Variants in ACSBG2 observed in about 807,000 individuals in gnomAD.
The protein encoded by ACSBG2 is long-chain-fatty-acid--CoA ligase ACSBG2.
ACSBG2 carries 62 observed loss-of-function variants against 74.7 expected under a neutral mutation model. The observed-to-expected ratio is 0.83, with a 90% CI of 0.68 to 1.03. The LOEUF is 1.03. ACSBG2 is among the 50% of genes least tolerant of loss of function. ACSBG2 has a pLI of 0.00. For missense variants in ACSBG2, 730 were observed against 817.6 expected (o/e 0.89, Z 1.31); for synonymous variants, 309 against 294.1 (o/e 1.05, Z -0.52).
chr19:6,165,015 A>G (rs1379148324), intron 6 of ACSBG2, among the ~76,000 whole-genome samples: 2 of 152,208 alleles, frequency 1.3e-5, no homozygotes, highest in African/African-American at 2.4e-5. Flanking sequence ...CAATGCATCA[A>G]TTATCAATAA....
chr19:6,146,184 A>G (rs2089023915), intron 2 of ACSBG2, among the ~76,000 whole-genome samples: 1 of 152,228 alleles, frequency 6.6e-6, no homozygotes, highest in Non-Finnish European at 1.5e-5. Context: ...AAAAAATCAG[A>G]TGGAGCCAGG....
Position 6,187,981 on chromosome 19 carries a change from C to T in ACSBG2, c.1927+136C>T. The T allele has an allele frequency of 1.6e-6, 2 of 1,272,428 alleles. 1 individual carries two copies. The allele number at this position is 1,272,428 out of a possible 1,614,324, so 78.8% of individuals were successfully genotyped here. On this transcript the variant is annotated intron_variant, in intron 13 of 14. Transcript: ENST00000588485. ...GGGACCAGGAGAGGGAGGCTGCCAC[C>T]TTCAGCTAACTGGTCCCCAGCTCCT...
At chr19:6,160,452 C>T (rs907544564) in intron 5 of ACSBG2, 1 of 151,932 alleles carries the variant, frequency 6.6e-6, no homozygotes, top group East Asian at 1.9e-4. Flanking sequence ...TGAACCTTAC[C>T]GTGCTAGGTA....
At position 6,190,706 on chromosome 19, in the gene ACSBG2, G is replaced by A. The variant is rs2090537409; in HGVS notation, c.*35+14G>A. The A allele has an allele frequency of 6.4e-7, 1 of 1,567,546 alleles. No individual in the cohort carries two copies. On this transcript the variant is annotated intron_variant, in intron 14 of 14. Coordinates refer to ENST00000588485, the MANE Select transcript of ACSBG2 (RefSeq NM_030924.5). The stretch of plus-strand genomic sequence containing the variant: ...GCTGTTCTGATGGTGAGATTCAGTT[G>A]CTTGGCTTTGCTGGGCTATGCATTC...
rs765433369 is a variant in ACSBG2 at position 6,185,614 on chromosome 19, G to A, written c.1501G>A (p.Asp501Asn). The change falls in exon 11 of 15, where the codon GAC becomes AAC. Residue 501 changes from aspartate (D) to asparagine (N), a missense_variant. Coordinates refer to ENST00000588485, the MANE Select transcript of ACSBG2 (RefSeq NM_030924.5). Reference protein sequence around the residue: ...WLHSGDLGQLDGLGFLYVTGH... With the variant: ...WLHSGDLGQLNGLGFLYVTGH... ...ACACTCTGGGGATCTGGGCCAGCTGGACGGTCTGGGTTTCCTCTATGTCAC... is the reference window on the plus strand; with the variant it reads ...ACACTCTGGGGATCTGGGCCAGCTGAACGGTCTGGGTTTCCTCTATGTCAC... 6.2e-7 allele frequency: 1 copy of A among 1,614,166 alleles called. No homozygotes were observed. The highest frequency in any genetic ancestry group is 1.1e-5 in the South Asian group (1 of 91,078).
At chr19:6,140,653 C>T (rs2088788856) in intron 1 of ACSBG2, among the ~76,000 whole-genome samples, 1 of 152,168 alleles carries the variant, frequency 6.6e-6, no homozygotes, top group African/African-American at 2.4e-5. Flanking sequence ...GCACTCCAGC[C>T]TAGGCGACAA....
At chr19:6,137,594 G>A (rs1360774971) in intron 1 of ACSBG2, among the ~76,000 whole-genome samples, 1 of 151,980 alleles carries the variant, frequency 6.6e-6, no homozygotes, top group African/African-American at 2.4e-5. Context: ...GACAGGGTTG[G>A]GCCAGCATTT....
chr19:6,187,569 A>G (rs2090444784), intron 12 of ACSBG2, 30 bp from the exon 13 acceptor site: 1 of 1,613,296 alleles, frequency 6.2e-7, no homozygotes, highest in African/African-American at 1.3e-5. Context: ...GTCAAGGAGC[A>G]TGGGTGGTGA....
chr19:6,190,726 G>A, intron 14 of ACSBG2, 34 bp downstream of exon 14: 1 of 1,420,630 alleles, frequency 7.0e-7, no homozygotes, highest in Non-Finnish European at 9.9e-7. Context: ...GCTGGGCTAT[G>A]CATTCAGAGT....
intron 4 of ACSBG2, among the ~76,000 whole-genome samples, chr19:6,153,018 C>A (rs527549556): frequency 1.1e-4 from 16 of 151,764 alleles, no homozygotes; most frequent in African/African-American, 3.9e-4. Flanking sequence ...CCAAGGCAGG[C>A]GGATCACAAG....
At chr19:6,168,982 T>A (rs1331055513) in intron 7 of ACSBG2, among the ~76,000 whole-genome samples, 1 of 152,140 alleles carries the variant, frequency 6.6e-6, no homozygotes, top group East Asian at 1.9e-4. Flanking sequence ...CTTCGCTATG[T>A]TGGGCAGGCT....
chr19:6,191,357 G>A (rs2090557835), intron 14 of ACSBG2: 1 of 151,880 alleles, frequency 6.6e-6, no homozygotes, highest in South Asian at 2.1e-4. Context: ...AATGCCACCA[G>A]CCAACCCATG....
chr19:6,162,011 G>A (rs191951352), intron 6 of ACSBG2, among the ~76,000 whole-genome samples: 121 of 152,214 alleles, frequency 7.9e-4, no homozygotes, highest in Non-Finnish European at 1.2e-3. Context: ...GCCAAAATTT[G>A]TTATAACAAT....
At chr19:6,136,060 C>T (rs2088550482) in intron 1 of ACSBG2, 151 bp downstream of exon 1, 1 of 152,406 alleles carries the variant, frequency 6.6e-6, no homozygotes, top group African/African-American at 2.4e-5. Flanking sequence ...CCCACCTCAA[C>T]CTCCCAAGTA....
chr19:6,156,369 C>G, intron 4 of ACSBG2, 62 bp from the exon 5 acceptor site: 1 of 1,511,034 alleles, frequency 6.6e-7, no homozygotes, highest in Non-Finnish European at 8.8e-7. Context: ...TTTTGACCTT[C>G]CAGACCATTC....
chr19:6,147,518 A>G lies in ACSBG2; in HGVS notation c.140A>G (p.His47Arg), dbSNP rs893760566. ...AGGCTATCCAAACACGGACCAGGCC[A>G]TGAGACCCCGATGACCATCCCTGAA... is the stretch of plus-strand genomic sequence containing the variant. ...LLRLSKHGPG[H>R]ETPMTIPEFF... The change falls in exon 3 of 15, where the codon CAT becomes CGT. Residue 47 changes from histidine to arginine, a missense_variant. His to Arg is a conservative substitution (Grantham distance 29, BLOSUM62 0). Transcript: ENST00000588485. 6.2e-7 allele frequency: 1 copy of G among 1,614,118 alleles called. No homozygotes were observed. Among genetic ancestry groups the G allele is most frequent in the African/African-American group, 1.3e-5 (1 of 74,946 alleles).
intron 1 of ACSBG2, among the ~76,000 whole-genome samples, chr19:6,139,660 C>T (rs113572440): frequency 0.034 from 5,227 of 152,292 alleles, 100 homozygotes; most frequent in South Asian, 0.062. Flanking sequence ...ATTTTCCTCC[C>T]TGAAAGCCAC....
At chr19:6,167,984 C>A (rs1158807530) in intron 7 of ACSBG2, among the ~76,000 whole-genome samples, 5 of 147,156 alleles carry the variant, frequency 3.4e-5, no homozygotes, top group African/African-American at 5.2e-5. Context: ...CTCACCCCCA[C>A]CCCCAGTCTA....
intron 1 of ACSBG2, among the ~76,000 whole-genome samples, chr19:6,137,959 T>G (rs1244452992): frequency 1.3e-5 from 2 of 152,164 alleles, no homozygotes; most frequent in Non-Finnish European, 2.9e-5. Flanking sequence ...TGGCATTCAT[T>G]TTTATTTGTA....
Sources: allele counts gnomAD v4.1 joint callset (sites outside exome capture counted in the v4.1 genomes callset), GRCh38; gene constraint gnomAD v4.1.1; transcripts MANE v1.5; gene names NCBI Gene and HGNC (gene_info 2026-07-23, HGNC 2026-07-21).